The following TSHR variants were observed in gnomAD, a reference collection of about 807,000 sequenced individuals.
The protein encoded by TSHR is thyroid stimulating hormone receptor, also known as thyrotropin receptor.
A neutral mutation model predicts 64.1 loss-of-function variants in TSHR; 51 were observed. That is an observed-to-expected ratio of 0.80 (90% CI 0.64 to 1.01). The LOEUF is 1.01. Ranked by LOEUF, TSHR falls within the 50% of genes least tolerant of loss-of-function variation. The probability of loss-of-function intolerance (pLI) is 0.00; values close to 1 mark genes in which losing one functional copy is unlikely to be tolerated. For synonymous variants in TSHR, 361 were observed against 361.9 expected, an observed-to-expected ratio of 1.00 and a Z score of 0.03; for missense variants, 877 against 942.8, an observed-to-expected ratio of 0.93 and a Z score of 0.91.
chr14:81,102,175 GA>G (rs78406514), intron 7 of TSHR, among the ~76,000 whole-genome samples: 3,743 of 117,546 alleles, frequency 0.032, 134 homozygotes, highest in African/African-American at 0.096. Flanking sequence ...CCATCTCAGG[GA>G]AAAAAAAAAA....
intron 8 of TSHR, chr14:81,108,988 CCAAT>C: frequency 7.8e-7 from 1 of 1,277,394 alleles, no homozygotes; most frequent in East Asian, 3.5e-5. Flanking sequence ...ACCCCCACAT[CCAAT>C]CAGTGATCAG....
At chr14:81,102,222 T>C (rs1889634480) in intron 7 of TSHR, among the ~76,000 whole-genome samples, 1 of 151,892 alleles carries the variant, frequency 6.6e-6, no homozygotes, top group Non-Finnish European at 1.5e-5. Context: ...ACAATATTAT[T>C]AGAGGATCTG....
At chr14:81,050,628 T>C (rs1049824464) in intron 1 of TSHR, 1 of 152,236 alleles carries the variant, frequency 6.6e-6, no homozygotes, top group Non-Finnish European at 1.5e-5. Flanking sequence ...AGCAACTCCA[T>C]GTGGTAGGTA....
rs574907124 is a variant in TSHR at position 81,102,045 on chromosome 14, G to A, written c.614+5338G>A. 1.1e-3 allele frequency among the ~76,000 whole-genome samples: 170 copies of A among 151,964 alleles called. 2 individuals carry two copies. The highest frequency in any genetic ancestry group is 7.7e-3 in the South Asian group (37 of 4,814). On this transcript the variant is annotated intron_variant, in intron 7 of 9. Transcript: ENST00000298171. ...AAATTAGCTGGGCGTGGTGGCGGGC[G>A]CCTGTAGTCCCAGCTACTCGGGAGG...
intron 1 of TSHR, among the ~76,000 whole-genome samples, chr14:81,023,452 G>T (rs998679602): frequency 2.0e-5 from 3 of 152,100 alleles, no homozygotes; most frequent in African/African-American, 4.8e-5. Context: ...CCAGGGTACT[G>T]GGTGTAATGA....
chr14:80,970,645 C>G (rs577642425), intron 1 of TSHR, among the ~76,000 whole-genome samples: 5 of 152,214 alleles, frequency 3.3e-5, no homozygotes, highest in Admixed American at 6.5e-5. Context: ...GCATTTCAGC[C>G]TGAATCTGTT....
chr14:81,011,814 C>T (rs1300895647), intron 1 of TSHR, among the ~76,000 whole-genome samples: 2 of 152,000 alleles, frequency 1.3e-5, no homozygotes, highest in East Asian at 1.9e-4. Flanking sequence ...GAGCCGAGAT[C>T]GCGCCACTGC....
intron 7 of TSHR, 79 bp downstream of exon 7, chr14:81,096,786 GAT>G: frequency 6.8e-7 from 1 of 1,467,402 alleles, no homozygotes; most frequent in Non-Finnish European, 9.5e-7. Context: ...GCTGTTGAGA[GAT>G]AGGTTCTACC....
At chr14:81,113,222 C>A (rs930419762) in intron 8 of TSHR, among the ~76,000 whole-genome samples, 1 of 152,150 alleles carries the variant, frequency 6.6e-6, no homozygotes, top group Non-Finnish European at 1.5e-5. Context: ...TAATCTGATC[C>A]TGACTATATT....
At chr14:81,142,080 A>T (rs879437594) in intron 9 of TSHR, among the ~76,000 whole-genome samples, 5 of 152,012 alleles carry the variant, frequency 3.3e-5, no homozygotes, top group African/African-American at 1.2e-4. Flanking sequence ...TGGCTCCAGC[A>T]TCCACATTTT....
At chr14:81,059,305 T>C (rs1352840437) in intron 1 of TSHR, among the ~76,000 whole-genome samples, 1 of 152,146 alleles carries the variant, frequency 6.6e-6, no homozygotes, top group Non-Finnish European at 1.5e-5. Flanking sequence ...ACTAATCACA[T>C]GTTAAAAGCC....
At chr14:80,995,616 G>A (rs1308947903) in intron 1 of TSHR, 3 of 152,112 alleles carry the variant, frequency 2.0e-5, no homozygotes, top group Admixed American at 2.0e-4. Context: ...TTATAAGTGG[G>A]AGTTAAATTA....
chr14:81,145,467 C>A lies in TSHR; in HGVS notation c.*1114C>A, dbSNP rs1293491655. 2 of 231,656 alleles carry A rather than the reference C, an allele frequency of 8.6e-6. No individual in the cohort carries two copies. The highest frequency in any genetic ancestry group is 4.5e-5 in the African/African-American group (2 of 44,732). 14.4% of individuals were successfully genotyped at this position (231,656 alleles called of 1,614,324 possible). On this transcript the variant is annotated 3_prime_UTR_variant, in exon 10 of 10. Coordinates refer to ENST00000298171, the MANE Select transcript of TSHR (RefSeq NM_000369.5). ...ATTAAGTAAACATACTCGCCTGGATCTGAATCATTCATTTAATTACTAGAT... is the reference window on the plus strand; with the variant it reads ...ATTAAGTAAACATACTCGCCTGGATATGAATCATTCATTTAATTACTAGAT...
At chr14:80,996,983 GTTATTA>G (rs1445931178) in intron 1 of TSHR, among the ~76,000 whole-genome samples, 1 of 152,090 alleles carries the variant, frequency 6.6e-6, no homozygotes, top group Non-Finnish European at 1.5e-5. Flanking sequence ...TATTATTGCT[GTTATTA>G]TTACTACTAC....
chr14:81,107,694 G>C (rs7147527), intron 7 of TSHR, among the ~76,000 whole-genome samples: 96,773 of 151,954 alleles, frequency 0.64, 31,192 homozygotes, highest in South Asian at 0.73. Flanking sequence ...GCTAAACACT[G>C]CTCACACACA....
intron 8 of TSHR, among the ~76,000 whole-genome samples, chr14:81,138,604 C>T (rs995955583): frequency 6.6e-6 from 1 of 152,076 alleles, no homozygotes. Flanking sequence ...ACAAGAGTAA[C>T]AGTCCTGTGG....
At chr14:80,980,597 G>A in intron 1 of TSHR, among the ~76,000 whole-genome samples, 1 of 152,120 alleles carries the variant, frequency 6.6e-6, no homozygotes, top group East Asian at 1.9e-4. Flanking sequence ...CAGTTTTCCT[G>A]TAATATGTGT....
At chr14:81,127,535 G>T (rs1178615968) in intron 8 of TSHR, among the ~76,000 whole-genome samples, 1 of 151,998 alleles carries the variant, frequency 6.6e-6, no homozygotes, top group Non-Finnish European at 1.5e-5. Context: ...GATACGGTTT[G>T]GCTGTGTCCC....
chr14:81,098,901 T>C (rs970983534), intron 7 of TSHR, among the ~76,000 whole-genome samples: 1 of 152,200 alleles, frequency 6.6e-6, no homozygotes, highest in Non-Finnish European at 1.5e-5. Flanking sequence ...GCAAAAGATT[T>C]TGGAGCCCAA....
Sources: allele counts gnomAD v4.1 joint callset (sites outside exome capture counted in the v4.1 genomes callset), GRCh38; gene constraint gnomAD v4.1.1; transcripts MANE v1.5; gene names NCBI Gene and HGNC (gene_info 2026-07-23, HGNC 2026-07-21).